Variants in SAMD4A observed in about 807,000 individuals in gnomAD.
SAMD4A encodes protein Smaug homolog 1.
A neutral mutation model predicts 81.3 loss-of-function variants in SAMD4A; 33 were observed. The ratio of observed to expected loss-of-function variants is 0.41; its 90% confidence interval spans 0.31 to 0.54. SAMD4A has a LOEUF of 0.54. Ranked by LOEUF, SAMD4A falls within the 20% of genes least tolerant of loss-of-function variation. The probability of loss-of-function intolerance (pLI) is 0.37; values close to 1 mark genes in which losing one functional copy is unlikely to be tolerated. For synonymous variants in SAMD4A, 389 were observed against 382.1 expected (o/e 1.02, Z -0.21); for missense variants, 854 against 951.1 (o/e 0.90, Z 1.34).
At chr14:54,744,825 CA>C (rs1329873184) in intron 4 of SAMD4A, among the ~76,000 whole-genome samples, 1 of 152,204 alleles carries the variant, frequency 6.6e-6, no homozygotes, top group Non-Finnish European at 1.5e-5. Flanking sequence ...TTCTCCAGCT[CA>C]GACTTTTCTT....
At chr14:54,775,257 C>A in intron 10 of SAMD4A, 122 bp downstream of exon 10, 1 of 1,030,536 alleles carries the variant, frequency 9.7e-7, no homozygotes, top group Non-Finnish European at 1.5e-6. Flanking sequence ...GGGGCAGTTG[C>A]CACCATTCCT....
At chr14:54,696,524 A>G (rs758225543) in intron 2 of SAMD4A, among the ~76,000 whole-genome samples, 5 of 152,180 alleles carry the variant, frequency 3.3e-5, no homozygotes, top group African/African-American at 4.8e-5. Flanking sequence ...CTTGTGAGAA[A>G]CCCTTTTATG....
chr14:54,706,038 G>A (rs918885527), intron 3 of SAMD4A, among the ~76,000 whole-genome samples: 48 of 152,156 alleles, frequency 3.2e-4, no homozygotes, highest in African/African-American at 1.1e-3. Flanking sequence ...AGAGATCCTT[G>A]TGAACTGGAG....
At chr14:54,571,077 T>C (rs1248423741) in intron 2 of SAMD4A, among the ~76,000 whole-genome samples, 2 of 152,238 alleles carry the variant, frequency 1.3e-5, no homozygotes, top group African/African-American at 4.8e-5. Flanking sequence ...TCTCGTTTTA[T>C]GCAGGACTGA....
chr14:54,677,525 A>G (rs963016719), intron 2 of SAMD4A, among the ~76,000 whole-genome samples: 1 of 152,102 alleles, frequency 6.6e-6, no homozygotes, highest in African/African-American at 2.4e-5. Flanking sequence ...CAATGCCATG[A>G]CTCATTCCTG....
chr14:54,567,673 A>T lies in SAMD4A; in HGVS notation c.-244A>T. Reference sequence around the variant, plus strand: ...TAAAAAGTCGTTTTTTTTTTTAAAGAAACATTTCCGTGCTACTGTCTGTCA... The same window carrying T: ...TAAAAAGTCGTTTTTTTTTTTAAAGTAACATTTCCGTGCTACTGTCTGTCA... On this transcript the variant is annotated 5_prime_UTR_variant, in exon 2 of 13. Transcript: ENST00000554335. 4.3e-6 allele frequency: 2 copies of T among 467,510 alleles called. No homozygotes were observed. The highest frequency in any genetic ancestry group is 7.5e-6 in the Non-Finnish European group (2 of 265,796). 29.0% of individuals were successfully genotyped at this position (467,510 alleles called of 1,614,324 possible).
intron 2 of SAMD4A, among the ~76,000 whole-genome samples, chr14:54,648,587 T>C (rs1209015411): frequency 6.6e-6 from 1 of 152,210 alleles, no homozygotes; most frequent in African/African-American, 2.4e-5. Flanking sequence ...GCACAGATGA[T>C]ATTCAGAGTT....
chr14:54,598,481 T>G (rs917274823), intron 2 of SAMD4A, among the ~76,000 whole-genome samples: 6 of 152,212 alleles, frequency 3.9e-5, no homozygotes, highest in African/African-American at 1.4e-4. Flanking sequence ...TTGGTAGATA[T>G]TATTATGATT....
In SAMD4A at chr14:54,569,395, C is replaced by T. The variant is rs577535854; in HGVS notation, c.196+1283C>T. On this transcript the variant is annotated intron_variant, in intron 2 of 12. Coordinates refer to ENST00000554335, the MANE Select transcript of SAMD4A (RefSeq NM_015589.6). Reference sequence around the variant, plus strand: ...TAGGGTGGAAGTGACCGCTGGAAATCTTCACAGTTCTTTTCCTGACCAGAC... The same window carrying T: ...TAGGGTGGAAGTGACCGCTGGAAATTTTCACAGTTCTTTTCCTGACCAGAC... 6.0e-4 allele frequency among the ~76,000 whole-genome samples: 91 copies of T among 152,292 alleles called. 3 individuals carry two copies. The South Asian group carries it at 0.019, about 32-fold the overall frequency.
intron 2 of SAMD4A, among the ~76,000 whole-genome samples, chr14:54,615,263 G>C (rs946545621): frequency 1.3e-4 from 20 of 152,168 alleles, no homozygotes; most frequent in Non-Finnish European, 2.8e-4. Context: ...AAAGTAAGTA[G>C]GGCAGATGTC....
intron 2 of SAMD4A, among the ~76,000 whole-genome samples, chr14:54,697,953 GGCTTTCCCCAGAGT>G (rs1166462382): frequency 4.6e-5 from 7 of 152,188 alleles, no homozygotes. Flanking sequence ...CATGGCAGCT[GGCTTTCCCCAGAGT>G]GAGTACTCGG....
chr14:54,710,964 C>T (rs990165489), intron 3 of SAMD4A, among the ~76,000 whole-genome samples: 5 of 152,158 alleles, frequency 3.3e-5, no homozygotes, highest in South Asian at 4.1e-4. Context: ...GGACGATGGC[C>T]GTCTCTTGCT....
chr14:54,710,651 T>A (rs1434392776), intron 3 of SAMD4A, among the ~76,000 whole-genome samples: 1 of 152,220 alleles, frequency 6.6e-6, no homozygotes, highest in Non-Finnish European at 1.5e-5. Context: ...GCTTCCGTGG[T>A]CTCCACAGCC....
At chr14:54,617,490 G>A (rs1404351462) in intron 2 of SAMD4A, among the ~76,000 whole-genome samples, 1 of 151,722 alleles carries the variant, frequency 6.6e-6, no homozygotes, top group Non-Finnish European at 1.5e-5. Flanking sequence ...TCAGAGAAAA[G>A]TGGGGGAGCA....
intron 4 of SAMD4A, among the ~76,000 whole-genome samples, chr14:54,744,262 TC>T (rs1257137443): frequency 6.6e-6 from 1 of 152,206 alleles, no homozygotes; most frequent in African/African-American, 2.4e-5. Flanking sequence ...TTCTGGGGTT[TC>T]CTTGTTTGTG....
At chr14:54,666,743 A>G (rs1231544326) in intron 2 of SAMD4A, among the ~76,000 whole-genome samples, 2 of 152,118 alleles carry the variant, frequency 1.3e-5, no homozygotes, top group Non-Finnish European at 2.9e-5. Context: ...CCCATTTAGG[A>G]TGGGAATTTT....
At chr14:54,608,675 G>T (rs1295995267) in intron 2 of SAMD4A, among the ~76,000 whole-genome samples, 1 of 152,196 alleles carries the variant, frequency 6.6e-6, no homozygotes, top group African/African-American at 2.4e-5. Context: ...AATGGATTTT[G>T]CATTTACACT....
In SAMD4A at chr14:54,737,561, T is replaced by TTTTTTTG. The variant is rs34263162; in HGVS notation, c.979+274_979+275insTTTTTTG. Among the ~76,000 whole-genome samples the TTTTTTTG allele has an allele frequency of 8.2e-5, 10 of 122,642 alleles. 2 individuals carry two copies. In the South Asian group the frequency reaches 9.1e-4, roughly 11 times the overall value. The allele number at this position is 122,642 out of a possible 152,430, so 80.5% of individuals were successfully genotyped here. A position where few individuals can be genotyped will look rare whatever the true frequency, so the allele number is the denominator to read the frequency against. On this transcript the variant is annotated intron_variant, in intron 4 of 12. Transcript: ENST00000554335. The stretch of plus-strand genomic sequence containing the variant: ...CTCTCTCTTTTTTTTTTTTTTTTTT[T>TTTTTTTG]GCATTGCAGTGACTTGTAGACCATT...
intron 2 of SAMD4A, among the ~76,000 whole-genome samples, chr14:54,640,989 G>A (rs1391764982): frequency 6.6e-6 from 1 of 152,070 alleles, no homozygotes; most frequent in Non-Finnish European, 1.5e-5. Flanking sequence ...TCCTGCTCTT[G>A]AGCTTCACCT....
Sources: allele counts gnomAD v4.1 joint callset (sites outside exome capture counted in the v4.1 genomes callset), GRCh38; gene constraint gnomAD v4.1.1; transcripts MANE v1.5; gene names NCBI Gene and HGNC (gene_info 2026-07-23, HGNC 2026-07-21).